The following LCP1 variants were observed in gnomAD, a reference collection of about 807,000 sequenced individuals.
LCP1 encodes the protein lymphocyte cytosolic protein 1.
A neutral mutation model predicts 72.0 loss-of-function variants in LCP1; 23 were observed. The ratio of observed to expected loss-of-function variants is 0.32; its 90% CI spans 0.23 to 0.45. The LOEUF (loss-of-function observed/expected upper bound fraction) is 0.45, where lower values mean the gene tolerates loss of function less well. Among genes scored for constraint, LCP1 ranks in the 20% least tolerant of loss-of-function variants. The pLI, the probability that LCP1 is intolerant of heterozygous loss-of-function variation, is 1.00. For synonymous variants in LCP1, 245 were observed against 275.4 expected, an observed-to-expected ratio of 0.89 and a Z score of 1.09; for missense variants, 571 against 748.3, an observed-to-expected ratio of 0.76 and a Z score of 2.76.
chr13:46,156,317 G>C, intron 5 of LCP1, 121 bp downstream of exon 5: 1 of 1,149,948 alleles, frequency 8.7e-7, no homozygotes, highest in Non-Finnish European at 1.2e-6. Context: ...TGAAAGTCCA[G>C]AAAAGCCTTC....
intron 14 of LCP1, among the ~76,000 whole-genome samples, chr13:46,132,127 G>A (rs1280560825): frequency 6.6e-6 from 1 of 151,424 alleles, no homozygotes; most frequent in Non-Finnish European, 1.5e-5. Flanking sequence ...AATCAATTCT[G>A]CAACAACTTA....
At chr13:46,155,238 C>G (rs2045793301) in intron 5 of LCP1, among the ~76,000 whole-genome samples, 1 of 152,136 alleles carries the variant, frequency 6.6e-6, no homozygotes, top group African/African-American at 2.4e-5. Context: ...TGAAAATTGT[C>G]CCCATTATAT....
intron 1 of LCP1, among the ~76,000 whole-genome samples, chr13:46,165,800 A>T (rs2045873195): frequency 6.6e-6 from 1 of 152,006 alleles, no homozygotes; most frequent in African/African-American, 2.4e-5. Flanking sequence ...TAAAAAGACA[A>T]CTCATTCATC....
chr13:46,151,549 C>A (rs1483174600), intron 7 of LCP1, among the ~76,000 whole-genome samples: 1 of 152,190 alleles, frequency 6.6e-6, no homozygotes. Context: ...ACAATGTAAT[C>A]AACTCTCCTC....
intron 15 of LCP1, 109 bp downstream of exon 15, chr13:46,130,705 T>G: frequency 8.4e-6 from 11 of 1,304,082 alleles, no homozygotes; most frequent in South Asian, 6.7e-5. Context: ...AAAGCACGGA[T>G]AGTGAAAATG....
At chr13:46,162,915 C>A (rs1481366795) in intron 1 of LCP1, among the ~76,000 whole-genome samples, 1 of 150,246 alleles carries the variant, frequency 6.7e-6, no homozygotes, top group Non-Finnish European at 1.5e-5. Flanking sequence ...CGGCAGCCGC[C>A]CTGTCTGAAA....
intron 1 of LCP1, among the ~76,000 whole-genome samples, chr13:46,175,331 A>G (rs2045924137): frequency 6.6e-6 from 1 of 152,220 alleles, no homozygotes; most frequent in Non-Finnish European, 1.5e-5. Flanking sequence ...TAGCGAGTAG[A>G]TAGCACTTGC....
rs199851535 is a variant in LCP1 at position 46,143,324 on chromosome 13, G to T, written c.1334C>A (p.Pro445Gln). The T allele has an allele frequency of 6.2e-7, 1 of 1,613,718 alleles. No individual in the cohort carries two copies. ...VPVDWNRVNK[P>Q]PYPKLGGNMK... is the part of the protein sequence containing the mutation. ...ATTGCCTCCCAGTTTGGGGTATGGC[G>T]GTTTGTTTACTCTGTTCCAGTCAAC... The change falls in exon 12 of 16, where the codon CCG becomes CAG. Residue 445 changes from proline (P) to glutamine (Q), a missense_variant. By Grantham distance (76) the Pro-to-Gln change is moderately conservative. Transcript: ENST00000323076.
At chr13:46,155,404 G>A (rs2045794263) in intron 5 of LCP1, among the ~76,000 whole-genome samples, 1 of 152,166 alleles carries the variant, frequency 6.6e-6, no homozygotes, top group Non-Finnish European at 1.5e-5. Flanking sequence ...GTCTTAGAAG[G>A]TAAAACTAGC....
chr13:46,127,773 C>G (rs112963970), intron 15 of LCP1, 50 bp from the exon 16 acceptor site: 2 of 1,606,722 alleles, frequency 1.2e-6, no homozygotes, highest in East Asian at 2.2e-5. Context: ...AAACACAACA[C>G]GAATGGGACC....
chr13:46,154,791 G>A lies in LCP1; in HGVS notation c.573+14C>T. 1 of 1,603,824 alleles carries A rather than the reference G, an allele frequency of 6.2e-7. No homozygotes were observed. On this transcript the variant is annotated intron_variant, in intron 6 of 15. Transcript: ENST00000323076. Reference sequence around the variant, plus strand: ...AAACAAATCCTGTATTATGGTAACGGTGGGAAGACATACCTGAATGGTGAA... The same window carrying A: ...AAACAAATCCTGTATTATGGTAACGATGGGAAGACATACCTGAATGGTGAA...
intron 3 of LCP1, 87 bp from the exon 4 acceptor site, chr13:46,158,738 G>A (rs2045819276): frequency 2.5e-6 from 4 of 1,601,014 alleles, no homozygotes. Context: ...AAGCAAGGAG[G>A]TAAGGAATGT....
rs931594971 is a variant in LCP1, at chr13:46,126,635, A to G, written c.*956T>C. On this transcript the variant is annotated 3_prime_UTR_variant, in exon 16 of 16. Coordinates refer to ENST00000323076, the MANE Select transcript of LCP1 (RefSeq NM_002298.5). ...CAAAAGCAAGGTAGGATTGCCTCCA[A>G]ATGTTGACAGGTATTAGCCATACCA... The G allele has an allele frequency of 1.3e-5, 3 of 231,732 alleles. No individual in the cohort carries two copies. The highest frequency in any genetic ancestry group is 2.6e-5 in the Non-Finnish European group (3 of 116,988). 14.4% of individuals were successfully genotyped at this position (231,732 alleles called of 1,614,324 possible). A position where few individuals can be genotyped will look rare whatever the true frequency, so the allele number is the denominator to read the frequency against.
chr13:46,173,796 C>T (rs745607660), intron 1 of LCP1, among the ~76,000 whole-genome samples: 2 of 152,206 alleles, frequency 1.3e-5, no homozygotes, highest in Non-Finnish European at 2.9e-5. Flanking sequence ...GGTGAAGGGG[C>T]TCCGGGCTTT....
At chr13:46,141,701 C>T (rs1480269924) in intron 13 of LCP1, among the ~76,000 whole-genome samples, 1 of 151,960 alleles carries the variant, frequency 6.6e-6, no homozygotes, top group Non-Finnish European at 1.5e-5. Flanking sequence ...TCACTCATCA[C>T]CAGCAAACTT....
At chr13:46,153,701 CAAA>C (rs1237525744) in intron 6 of LCP1, among the ~76,000 whole-genome samples, 5 of 74,814 alleles carry the variant, frequency 6.7e-5, no homozygotes, top group African/African-American at 5.0e-5. Context: ...AACTCCATCT[CAAA>C]AAAAAAAAAA....
Position 46,151,097 on chromosome 13 carries a change from C to A in LCP1, c.740-19G>T. ...ATCAGAGCTGAAGAAGCACAAAAAC[C>A]ACAGAAAAATAAATGCAGCGATGTT... On this transcript the variant is annotated intron_variant, in intron 7 of 15. Coordinates refer to ENST00000323076, the MANE Select transcript of LCP1 (RefSeq NM_002298.5). 1 of 1,597,584 alleles carries A rather than the reference C, an allele frequency of 6.3e-7. No individual in the cohort carries two copies. Among genetic ancestry groups the A allele is most frequent in the Admixed American group, 1.8e-5 (1 of 55,144 alleles).
chr13:46,159,791 C>T, intron 1 of LCP1, 105 bp from the exon 2 acceptor site: 1 of 686,888 alleles, frequency 1.5e-6, no homozygotes, highest in Non-Finnish European at 2.6e-6. Flanking sequence ...TATTCTTCTG[C>T]ATCCCCCATG....
At chr13:46,127,832 C>CCTGCAGTG in intron 15 of LCP1, 109 bp from the exon 16 acceptor site, 1 of 1,307,830 alleles carries the variant, frequency 7.6e-7, no homozygotes, top group Non-Finnish European at 1.1e-6. Context: ...AGAACTCACT[C>CCTGCAGTG]CTGCAGTGGC....
Sources: allele counts gnomAD v4.1 joint callset (sites outside exome capture counted in the v4.1 genomes callset), GRCh38; gene constraint gnomAD v4.1.1; transcripts MANE v1.5; gene names NCBI Gene and HGNC (gene_info 2026-07-23, HGNC 2026-07-21).